Variants in REPS2 observed in about 807,000 individuals in gnomAD.
The protein encoded by REPS2 is RALBP1 associated Eps domain containing 2, also known as ralBP1-associated Eps domain-containing protein 2.
In REPS2, 23 loss-of-function variants were observed where a neutral mutation model predicts 53.6. That is an observed-to-expected ratio of 0.43 (90% CI 0.31 to 0.61). The LOEUF (loss-of-function observed/expected upper bound fraction) is 0.61. REPS2 is among the 20% of genes least tolerant of loss of function. The pLI is 0.11. For synonymous variants in REPS2, 238 were observed against 218.6 expected (o/e 1.09, Z -0.78); for missense variants, 446 against 534.9 (o/e 0.83, Z 1.64).
At chrX:16,974,544 C>T (rs1345797442) in intron 1 of REPS2, among the ~76,000 whole-genome samples, 1 of 110,325 alleles carries the variant, frequency 9.1e-6, no homozygotes, top group African/African-American at 3.3e-5. Context: ...ACTCAGGAGG[C>T]TGAGGCAAGA....
chrX:17,136,963 A>G (rs890794201), intron 16 of REPS2: 2 of 112,687 alleles, frequency 1.8e-5, no homozygotes, highest in African/African-American at 6.4e-5. Flanking sequence ...TGTAGCATAA[A>G]TCTGAACTTA....
chrX:17,056,520 T>G (rs906819447), intron 8 of REPS2, among the ~76,000 whole-genome samples: 22 of 110,813 alleles, frequency 2.0e-4, no homozygotes, highest in Non-Finnish European at 3.8e-4. Flanking sequence ...AAACCCCATC[T>G]CTACTAAAAA....
At position 17,133,883 on chromosome X, in the gene REPS2, T is replaced by A; in HGVS notation, c.1638T>A (p.Ala546=). 8.3e-7 allele frequency: 1 copy of A among 1,211,108 alleles called. No individual in the cohort carries two copies. The highest frequency in any genetic ancestry group is 1.1e-6 in the Non-Finnish European group (1 of 894,786). ...AGCTGAGCAGAGCCCCATCCCAGGC[T>A]GCAGAAAGTAGTCCAGCAAAGAAGG... The part of the protein sequence containing the change: ...LPQLSRAPSQ[A]AESSPAKKDV... The change falls in exon 15 of 18, where the codon GCT becomes GCA. Residue 546 remains alanine (A), a synonymous_variant. Coordinates refer to ENST00000357277, the MANE Select transcript of REPS2 (RefSeq NM_004726.3).
At chrX:17,186,758 T>C in the REPS2 span, among the ~76,000 whole-genome samples, 5 of 111,646 alleles carry the variant, frequency 4.5e-5, no homozygotes, top group African/African-American at 1.6e-4. Context: ...AAGGTGGCCC[T>C]GGATTTTCTC....
intron 14 of REPS2, among the ~76,000 whole-genome samples, chrX:17,133,267 C>T (rs1047283437): frequency 9.0e-6 from 1 of 111,441 alleles, no homozygotes; most frequent in African/African-American, 3.3e-5. Flanking sequence ...TTTAGCGTCC[C>T]CTTCAGCCTT....
chrX:17,134,838 G>A (rs1399726335), intron 15 of REPS2, among the ~76,000 whole-genome samples: 1 of 110,214 alleles, frequency 9.1e-6, no homozygotes, highest in Non-Finnish European at 1.9e-5. Flanking sequence ...TAGCCAGGAT[G>A]GTCTCGATCT....
chrX:16,998,664 G>A (rs2061262194), intron 1 of REPS2, among the ~76,000 whole-genome samples: 1 of 111,681 alleles, frequency 9.0e-6, no homozygotes, highest in Non-Finnish European at 1.9e-5. Flanking sequence ...AGGGCTGGAG[G>A]AACAGGCTAG....
intron 2 of REPS2, among the ~76,000 whole-genome samples, chrX:17,010,710 G>A (rs766243127): frequency 5.4e-5 from 6 of 111,265 alleles, no homozygotes; most frequent in East Asian, 2.8e-4. Context: ...GCATGTCTAC[G>A]CATGAGGAGG....
chrX:17,033,102 G>A (rs1395330543), intron 5 of REPS2, among the ~76,000 whole-genome samples: 1 of 112,202 alleles, frequency 8.9e-6, no homozygotes, highest in Non-Finnish European at 1.9e-5. Flanking sequence ...AGAATTGCAC[G>A]CTTTATTCCT....
chrX:16,948,007 C>T (rs934136351), intron 1 of REPS2, among the ~76,000 whole-genome samples: 1 of 112,145 alleles, frequency 8.9e-6, no homozygotes, highest in Non-Finnish European at 1.9e-5. Flanking sequence ...CATTTCATGT[C>T]ACCAGCACTT....
the REPS2 span, among the ~76,000 whole-genome samples, chrX:17,193,457 G>C: frequency 1.8e-5 from 2 of 111,452 alleles, no homozygotes; most frequent in African/African-American, 6.5e-5. Flanking sequence ...CTTTTGTTAG[G>C]AGGGAGGGCT....
chrX:16,968,072 G>C (rs1193284447), intron 1 of REPS2, among the ~76,000 whole-genome samples: 1 of 111,200 alleles, frequency 9.0e-6, no homozygotes, highest in African/African-American at 3.3e-5. Context: ...TCAAGCATCT[G>C]TTTAACAAAG....
intron 5 of REPS2, among the ~76,000 whole-genome samples, chrX:17,037,980 C>A (rs978123004): frequency 8.9e-6 from 1 of 111,782 alleles, no homozygotes; most frequent in African/African-American, 3.3e-5. Context: ...CAGTGCTGTG[C>A]TGGCCCTTTT....
chrX:17,066,039 C>A (rs2062220796), intron 9 of REPS2, among the ~76,000 whole-genome samples: 1 of 111,388 alleles, frequency 9.0e-6, no homozygotes, highest in Non-Finnish European at 1.9e-5. Context: ...TGTTTTTTTC[C>A]CCATTGAATT....
At position 17,074,189 on chromosome X, in the gene REPS2, C is replaced by T. The variant is rs748795997; in HGVS notation, c.1379+30C>T. On this transcript the variant is annotated intron_variant, in intron 12 of 17. Transcript: ENST00000357277. ...TGTTCGTTTAATTTCTGCTTTAATGCCCTTTGTGCCGTGCCCCTGCCTAGA... is the reference window on the plus strand; with the variant it reads ...TGTTCGTTTAATTTCTGCTTTAATGTCCTTTGTGCCGTGCCCCTGCCTAGA... 3 of 1,167,880 alleles carry T rather than the reference C, an allele frequency of 2.6e-6. No individual in the cohort carries two copies. In the Admixed American group the frequency reaches 6.8e-5, roughly 26 times the overall value.
At chrX:17,138,715 T>C in intron 16 of REPS2, 141 bp from the exon 17 acceptor site, 1 of 340,594 alleles carries the variant, frequency 2.9e-6, no homozygotes, top group Non-Finnish European at 5.2e-6. Flanking sequence ...CCTGACCGCC[T>C]GTGAATATGA....
intron 1 of REPS2, among the ~76,000 whole-genome samples, chrX:16,971,316 G>A (rs1269204742): frequency 1.8e-5 from 2 of 112,049 alleles, no homozygotes; most frequent in Non-Finnish European, 3.8e-5. Flanking sequence ...TATTTAGATC[G>A]TTTGTCCATT....
At chrX:17,018,212 C>CT (rs200578522) in intron 2 of REPS2, among the ~76,000 whole-genome samples, 2,837 of 91,503 alleles carry the variant, frequency 0.031, 136 homozygotes, top group African/African-American at 0.11. Flanking sequence ...TGGCAACTGC[C>CT]TTTTTTTTTT....
intron 11 of REPS2, 139 bp downstream of exon 11, chrX:17,070,132 A>G: frequency 3.1e-6 from 1 of 327,247 alleles, no homozygotes; most frequent in Non-Finnish European, 5.3e-6. Flanking sequence ...TTTTATTACA[A>G]GGAAACCTTT....
Sources: gnomAD v4.1 joint callset for allele counts (sites outside exome capture counted in the v4.1 genomes callset) on GRCh38, gnomAD v4.1.1 for gene constraint, MANE v1.5 for transcripts, NCBI Gene and HGNC (gene_info 2026-07-23, HGNC 2026-07-21) for gene names.